HERC1: variants seen among roughly 807,000 people sequenced by gnomAD.
HERC1 encodes the protein probable E3 ubiquitin-protein ligase HERC1.
Under a neutral mutation model 554.3 loss-of-function variants are expected in HERC1, and 160 were observed. The observed-to-expected ratio is 0.29, with a 90% CI of 0.25 to 0.33. The LOEUF (loss-of-function observed/expected upper bound fraction) is 0.33. Among genes scored for constraint, HERC1 ranks in the 10% least tolerant of loss-of-function variants. The pLI is 1.00. For missense variants in HERC1, 4,919 were observed against 5,918.5 expected, an observed-to-expected ratio of 0.83 and a Z score of 5.54; for synonymous variants, 2,175 against 2,131.7, an observed-to-expected ratio of 1.02 and a Z score of -0.56.
At chr15:63,733,553 C>T (rs2074381442) in intron 13 of HERC1, among the ~76,000 whole-genome samples, 1 of 152,106 alleles carries the variant, frequency 6.6e-6, no homozygotes, top group South Asian at 2.1e-4. Context: ...GCAAAATACT[C>T]ATTAAAAATC....
chr15:63,767,007 G>GTT (rs556722173), intron 2 of HERC1, among the ~76,000 whole-genome samples: 122 of 120,594 alleles, frequency 1.0e-3, no homozygotes, highest in African/African-American at 3.6e-3. Flanking sequence ...TTTTTCATTT[G>GTT]TTTTTTTTTT....
At chr15:63,619,022 C>T (rs1340641280) in intron 74 of HERC1, among the ~76,000 whole-genome samples, 1 of 152,018 alleles carries the variant, frequency 6.6e-6, no homozygotes, top group African/African-American at 2.4e-5. Flanking sequence ...GCCAGAACTT[C>T]CAACACTATG....
At chr15:63,719,890 C>G (rs1157942004) in intron 19 of HERC1, among the ~76,000 whole-genome samples, 1 of 152,052 alleles carries the variant, frequency 6.6e-6, no homozygotes, top group Non-Finnish European at 1.5e-5. Flanking sequence ...TTTGAATACT[C>G]TCCATTAGAC....
intron 8 of HERC1, among the ~76,000 whole-genome samples, chr15:63,751,526 T>C (rs142780610): frequency 9.9e-5 from 15 of 152,220 alleles, no homozygotes; most frequent in African/African-American, 3.6e-4. Flanking sequence ...GTTCCTTCGG[T>C]TGAGCACCAG....
intron 1 of HERC1, among the ~76,000 whole-genome samples, chr15:63,817,299 T>C (rs1024610650): frequency 6.6e-6 from 1 of 152,204 alleles, no homozygotes; most frequent in Admixed American, 6.5e-5. Flanking sequence ...TTGCTATACA[T>C]TTTTTGGTAT....
At position 63,619,622 on chromosome 15, in the gene HERC1, G is replaced by A. The variant is rs936235058; in HGVS notation, c.13689-2940C>T. On this transcript the variant is annotated intron_variant, in intron 74 of 77. Coordinates refer to ENST00000443617, the MANE Select transcript of HERC1 (RefSeq NM_003922.4). Reference sequence around the variant, plus strand: ...TAGAAGTTGGCTGTGAATCCGTCTGGTCCTGGACTTTTTTTGGTTGGTAAG... The same window carrying A: ...TAGAAGTTGGCTGTGAATCCGTCTGATCCTGGACTTTTTTTGGTTGGTAAG... Among the ~76,000 whole-genome samples, 5 of 152,260 alleles carry A rather than the reference G, an allele frequency of 3.3e-5. No homozygotes were observed. The East Asian group carries it at 7.7e-4, about 23-fold the overall frequency.
rs1292697326 is a variant in HERC1 at position 63,755,280 on chromosome 15, T to C, written c.1579A>G (p.Thr527Ala). Residue 527 changes from threonine (T) to alanine (A), a missense_variant, in exon 6 of 78, where the codon ACA becomes GCA. Thr to Ala is a moderately conservative substitution (Grantham distance 58). Around this residue, in one of 11 missense-constraint regions of HERC1, gnomAD observed 744 missense variants for 1,090.0 expected, o/e 0.68. Coordinates refer to ENST00000443617, the MANE Select transcript of HERC1 (RefSeq NM_003922.4). The part of the protein sequence containing the change: ...SAGYRHSAAV[T>A]EDGELYTWGE... ...CATGTGTATAATTCCCCATCCTCTG[T>C]GACAGCAGCACTATGTCTGTATCCA... The C allele has an allele frequency of 1.2e-6, 2 of 1,613,968 alleles. No individual in the cohort carries two copies. Among genetic ancestry groups the C allele is most frequent in the Non-Finnish European group, 1.7e-6 (2 of 1,179,838 alleles).
chr15:63,772,855 T>C (rs1003014062), intron 2 of HERC1, among the ~76,000 whole-genome samples: 2 of 152,272 alleles, frequency 1.3e-5, no homozygotes, highest in Admixed American at 1.3e-4. Flanking sequence ...TTTTCATAGA[T>C]CTTATGATCT....
At chr15:63,657,151 T>C (rs2070084871) in intron 48 of HERC1, among the ~76,000 whole-genome samples, 1 of 152,168 alleles carries the variant, frequency 6.6e-6, no homozygotes, top group African/African-American at 2.4e-5. Context: ...TCACTAACAA[T>C]GTATGGGAGT....
At position 63,677,159 on chromosome 15, in the gene HERC1, T is replaced by C. The variant is rs1415315385; in HGVS notation, c.7070+686A>G. On this transcript the variant is annotated intron_variant, in intron 37 of 77. Coordinates refer to ENST00000443617, the MANE Select transcript of HERC1 (RefSeq NM_003922.4). The surrounding 1 kb of genome is among the most constrained non-coding windows in gnomAD (Gnocchi z 4.4). ...GCACCAACATGATGCTCAATGGAAA[T>C]ATTCATTGGAGCACTTTGGATTTTG... Among the ~76,000 whole-genome samples the C allele has an allele frequency of 3.3e-5, 5 of 152,200 alleles. No homozygotes were observed. In the South Asian group the frequency reaches 6.2e-4, roughly 19 times the overall value.
intron 39 of HERC1, among the ~76,000 whole-genome samples, chr15:63,670,273 C>T (rs1052371747): frequency 3.3e-5 from 5 of 152,140 alleles, no homozygotes; most frequent in Non-Finnish European, 5.9e-5. Context: ...GCCCCTTCTC[C>T]GATGAGAATG....
intron 33 of HERC1, 107 bp from the exon 34 acceptor site, chr15:63,686,642 C>A: frequency 1.1e-6 from 1 of 890,590 alleles, no homozygotes; most frequent in Non-Finnish European, 1.7e-6. Flanking sequence ...TATGTATCTA[C>A]TATGAATCAG....
At position 63,775,571 on chromosome 15, in the gene HERC1, C is replaced by G. The variant is rs1317271542; in HGVS notation, c.53G>C (p.Ser18Thr). The change falls in exon 2 of 78, where the codon AGC becomes ACC. Residue 18 changes from serine (S) to threonine (T), a missense_variant. Coordinates refer to ENST00000443617, the MANE Select transcript of HERC1 (RefSeq NM_003922.4). The surrounding 1 kb of genome is among the most constrained non-coding windows in gnomAD (Gnocchi z 4.0). ...TTCACTGTCCTCTGTAATCCAGGAG[C>G]TGTTCAAGTGTTCAAGCCATTTCAG... ...VKLKWLEHLN[S>T]SWITEDSESI... 1.9e-6 allele frequency: 3 copies of G among 1,611,808 alleles called. No individual in the cohort carries two copies. Among genetic ancestry groups the G allele is most frequent in the Non-Finnish European group, 2.5e-6 (3 of 1,178,906 alleles).
intron 36 of HERC1, among the ~76,000 whole-genome samples, chr15:63,679,280 C>A (rs1054667540): frequency 1.3e-5 from 2 of 152,140 alleles, no homozygotes; most frequent in Non-Finnish European, 2.9e-5. Context: ...TTTTGGTTGT[C>A]CTGGCTGTCC....
intron 76 of HERC1, among the ~76,000 whole-genome samples, chr15:63,614,465 C>T (rs1333129062): frequency 6.6e-6 from 1 of 152,210 alleles, no homozygotes; most frequent in Non-Finnish European, 1.5e-5. Context: ...TGGAGACAAA[C>T]ACTAATCCCT....
intron 1 of HERC1, among the ~76,000 whole-genome samples, chr15:63,799,899 G>C (rs774500947): frequency 1.3e-5 from 2 of 152,158 alleles, no homozygotes; most frequent in Non-Finnish European, 2.9e-5. Context: ...CATTTTGGGA[G>C]GATCACTTGA....
intron 12 of HERC1, among the ~76,000 whole-genome samples, chr15:63,737,914 A>T (rs767016753): frequency 6.6e-5 from 10 of 152,220 alleles, no homozygotes; most frequent in Non-Finnish European, 1.5e-4. Context: ...ATGATTTCCA[A>T]TTTAGAATTT....
In HERC1 at chr15:63,686,440, T is replaced by C. The variant is rs750997648; in HGVS notation, c.6144A>G (p.Gly2048=). ...CTCCACTGCCGTGAGTTAAAATCTG[T>C]CCATTCTCCACTAGGCAACACTGAG... is the stretch of plus-strand genomic sequence containing the variant. ...EKAQCCLVEN[G]QILTHGSGGK... Residue 2048 remains glycine, a synonymous_variant, in exon 34 of 78, where the codon GGA becomes GGG. Coordinates refer to ENST00000443617, the MANE Select transcript of HERC1 (RefSeq NM_003922.4). 4.3e-6 allele frequency: 7 copies of C among 1,613,722 alleles called. No homozygotes were observed. In the African/African-American group the frequency reaches 6.7e-5, roughly 15 times the overall value.
chr15:63,686,591 T>A, intron 33 of HERC1, 56 bp from the exon 34 acceptor site: 7 of 1,478,684 alleles, frequency 4.7e-6, no homozygotes, highest in Non-Finnish European at 5.5e-6. Flanking sequence ...TCAGATAAGA[T>A]ATATTCTGAG....
Sources: gnomAD v4.1 joint callset for allele counts (sites outside exome capture counted in the v4.1 genomes callset) on GRCh38, gnomAD v4.1.1 for gene constraint, gnomAD v4.1.1 regional missense constraint, Gnocchi (gnomAD v3.1) non-coding constraint, MANE v1.5 for transcripts, NCBI Gene and HGNC (gene_info 2026-07-23, HGNC 2026-07-21) for gene names.